CEP112: variants seen among roughly 807,000 people sequenced by gnomAD.
CEP112 encodes centrosomal protein 112, also known as centrosomal protein of 112 kDa.
A neutral mutation model predicts 153.0 loss-of-function variants in CEP112; 127 were observed. That is an observed-to-expected ratio of 0.83 (90% CI 0.72 to 0.96). The LOEUF (loss-of-function observed/expected upper bound fraction) is 0.96. Among genes scored for constraint, CEP112 ranks in the 40% least tolerant of loss-of-function variants. The pLI is 0.00. For missense variants in CEP112, 1,089 were observed against 1,101.2 expected, an observed-to-expected ratio of 0.99 and a Z score of 0.16; for synonymous variants, 358 against 374.4, an observed-to-expected ratio of 0.96 and a Z score of 0.51.
chr17:65,654,667 T>C (rs2045966575), intron 24 of CEP112, among the ~76,000 whole-genome samples: 1 of 152,172 alleles, frequency 6.6e-6, no homozygotes, highest in Admixed American at 6.5e-5. Context: ...TTTAATTAGG[T>C]TTAGGTGCTC....
chr17:65,749,494 C>T (rs546292526), intron 22 of CEP112, among the ~76,000 whole-genome samples: 10 of 151,652 alleles, frequency 6.6e-5, no homozygotes, highest in Middle Eastern at 6.8e-3. Flanking sequence ...GGCAACAGAG[C>T]GAGGCTCTGT....
At chr17:66,138,085 G>C (rs1390671562) in intron 4 of CEP112, among the ~76,000 whole-genome samples, 1 of 152,150 alleles carries the variant, frequency 6.6e-6, no homozygotes, top group African/African-American at 2.4e-5. Context: ...GAGACAATGA[G>C]TATTGCTAGG....
At chr17:66,028,469 G>T in intron 14 of CEP112, 64 bp from the exon 15 acceptor site, 1 of 916,140 alleles carries the variant, frequency 1.1e-6, no homozygotes. Flanking sequence ...TATACTTTCT[G>T]ATTGAAAAAA....
intron 25 of CEP112, among the ~76,000 whole-genome samples, chr17:65,640,241 C>T (rs1445118540): frequency 2.1e-5 from 3 of 145,042 alleles, no homozygotes; most frequent in African/African-American, 7.8e-5. Context: ...GCAACCTCTG[C>T]CTCTGGGGTT....
At chr17:66,081,349 T>C (rs951335400) in intron 8 of CEP112, among the ~76,000 whole-genome samples, 9 of 152,142 alleles carry the variant, frequency 5.9e-5, no homozygotes, top group African/African-American at 1.9e-4. Flanking sequence ...TGGTTACTTC[T>C]AGGAAAGATG....
chr17:66,095,303 T>G (rs774758028), intron 8 of CEP112, among the ~76,000 whole-genome samples: 1 of 150,528 alleles, frequency 6.6e-6, no homozygotes, highest in Non-Finnish European at 1.5e-5. Flanking sequence ...CACACACACA[T>G]ACACACACAC....
chr17:65,800,639 T>C (rs901199266), intron 21 of CEP112, among the ~76,000 whole-genome samples: 14 of 152,208 alleles, frequency 9.2e-5, no homozygotes, highest in African/African-American at 3.1e-4. Flanking sequence ...GGAGAGGAAA[T>C]GCTGGATTTT....
chr17:65,725,098 T>C (rs1222038776), intron 23 of CEP112, among the ~76,000 whole-genome samples: 1 of 152,188 alleles, frequency 6.6e-6, no homozygotes, highest in African/African-American at 2.4e-5. Context: ...TGGTTTAATA[T>C]GTTAATATAT....
At position 66,131,291 on chromosome 17, in the gene CEP112, C is replaced by T. The variant is rs370487744; in HGVS notation, c.564+1379G>A. Among the ~76,000 whole-genome samples the T allele has an allele frequency of 7.2e-5, 11 of 152,084 alleles. 1 individual carries two copies. In the East Asian group the frequency reaches 1.2e-3, roughly 16 times the overall value. On this transcript the variant is annotated intron_variant, in intron 5 of 26. Coordinates refer to ENST00000535342, the MANE Select transcript of CEP112 (RefSeq NM_001199165.4). Reference sequence around the variant, plus strand: ...ATGTTTTTCTCATGAACAAGAATTTCTTAAATAAGACAATGTACCTGCCTT... The same window carrying T: ...ATGTTTTTCTCATGAACAAGAATTTTTTAAATAAGACAATGTACCTGCCTT...
chr17:65,821,533 TATATA>T (rs1287054343), intron 21 of CEP112, among the ~76,000 whole-genome samples: 530 of 30,172 alleles, frequency 0.018, 1 homozygote, highest in Non-Finnish European at 0.025. Context: ...TATATATATA[TATATA>T]TATTTTTTTT....
chr17:65,693,964 C>T (rs1428867434), intron 23 of CEP112, among the ~76,000 whole-genome samples: 1 of 152,112 alleles, frequency 6.6e-6, no homozygotes, highest in Non-Finnish European at 1.5e-5. Context: ...CCTGAATCTG[C>T]TGGTGCTTTG....
intron 21 of CEP112, among the ~76,000 whole-genome samples, chr17:65,833,633 C>A (rs1812816545): frequency 6.6e-6 from 1 of 152,052 alleles, no homozygotes; most frequent in African/African-American, 2.4e-5. Flanking sequence ...CATAATATAC[C>A]TAGGAATACA....
At chr17:65,927,944 T>G (rs2060988695) in intron 18 of CEP112, among the ~76,000 whole-genome samples, 1 of 152,164 alleles carries the variant, frequency 6.6e-6, no homozygotes, top group Admixed American at 6.5e-5. Context: ...AAAATATAAT[T>G]TAAGGCATTC....
intron 21 of CEP112, among the ~76,000 whole-genome samples, chr17:65,812,092 C>CT (rs1263518263): frequency 6.6e-6 from 1 of 152,026 alleles, no homozygotes; most frequent in Non-Finnish European, 1.5e-5. Context: ...CAAGCTCCAC[C>CT]TCCCGGGTTC....
chr17:65,737,142 T>A (rs750626721), intron 23 of CEP112, among the ~76,000 whole-genome samples: 2 of 152,240 alleles, frequency 1.3e-5, no homozygotes, highest in Non-Finnish European at 2.9e-5. Context: ...GATTGAATGT[T>A]CCTCTCCCAA....
chr17:65,913,605 T>C, intron 19 of CEP112: 2 of 985,406 alleles, frequency 2.0e-6, no homozygotes, highest in Non-Finnish European at 2.4e-6. Context: ...AACAGTTCAG[T>C]TTACGCATGG....
intron 18 of CEP112, among the ~76,000 whole-genome samples, chr17:65,959,429 G>A (rs151078471): frequency 1.2e-4 from 19 of 152,180 alleles, no homozygotes; most frequent in East Asian, 5.8e-4. Flanking sequence ...TTTCCTAGTC[G>A]CAGGACAAGA....
chr17:65,906,631 T>G (rs2143697966), intron 19 of CEP112, among the ~76,000 whole-genome samples: 1 of 152,300 alleles, frequency 6.6e-6, no homozygotes, highest in East Asian at 1.9e-4. Context: ...CCCCATATTA[T>G]TCTACTATTG....
chr17:65,988,539 T>C (rs1204559866), intron 17 of CEP112, among the ~76,000 whole-genome samples: 1 of 96,188 alleles, frequency 1.0e-5, no homozygotes, highest in Non-Finnish European at 2.3e-5. Context: ...AGAAAAGCAA[T>C]TCATAAATTA....
Sources: gnomAD v4.1 joint callset for allele counts (sites outside exome capture counted in the v4.1 genomes callset) on GRCh38, gnomAD v4.1.1 for gene constraint, MANE v1.5 for transcripts, NCBI Gene and HGNC (gene_info 2026-07-23, HGNC 2026-07-21) for gene names.